The following RALYL variants were observed in gnomAD, a reference collection of about 807,000 sequenced individuals.
The protein encoded by RALYL is RNA-binding Raly-like protein.
RALYL carries 29 observed loss-of-function variants against 35.1 expected under a neutral mutation model. That is an observed-to-expected ratio of 0.83 (90% CI 0.61 to 1.13). The LOEUF (loss-of-function observed/expected upper bound fraction) is 1.13, where lower values mean the gene tolerates loss of function less well. Ranked by LOEUF, RALYL falls within the 50% of genes most tolerant of loss-of-function variation. The probability of loss-of-function intolerance (pLI) is 0.00; values close to 1 mark genes in which losing one functional copy is unlikely to be tolerated. For synonymous variants in RALYL, 120 were observed against 127.6 expected, an observed-to-expected ratio of 0.94 and a Z score of 0.40; for missense variants, 359 against 360.4, an observed-to-expected ratio of 1.00 and a Z score of 0.03.
chr8:84,213,721 T>C (rs903994132), intron 1 of RALYL, among the ~76,000 whole-genome samples: 5 of 152,188 alleles, frequency 3.3e-5, no homozygotes, highest in African/African-American at 1.2e-4. Context: ...ATGAATTTCA[T>C]GTATTTCCAT....
chr8:84,555,211 A>G (rs1252198), intron 2 of RALYL, among the ~76,000 whole-genome samples: 137,595 of 151,992 alleles, frequency 0.91, 62,300 homozygotes, highest in African/African-American at 0.93. Context: ...CCCGGGAGGC[A>G]GAGGTTGCAG....
intron 2 of RALYL, among the ~76,000 whole-genome samples, chr8:84,721,133 T>C (rs1477638309): frequency 1.3e-5 from 2 of 151,690 alleles, no homozygotes; most frequent in African/African-American, 4.8e-5. Context: ...TTCAGGAGGC[T>C]GAGGCAGGAG....
intron 2 of RALYL, among the ~76,000 whole-genome samples, chr8:84,613,205 A>G (rs1818700563): frequency 1.3e-5 from 2 of 151,830 alleles, no homozygotes; most frequent in African/African-American, 4.8e-5. Context: ...TGAAAGCCTC[A>G]ATTTTCATAA....
At chr8:84,755,695 A>C (rs1480780543) in intron 2 of RALYL, among the ~76,000 whole-genome samples, 1 of 151,936 alleles carries the variant, frequency 6.6e-6, no homozygotes, top group Non-Finnish European at 1.5e-5. Flanking sequence ...ATTTAATCAT[A>C]TATATATTAA....
chr8:84,903,197 C>T (rs1427183762), intron 8 of RALYL, among the ~76,000 whole-genome samples: 2 of 152,058 alleles, frequency 1.3e-5, no homozygotes, highest in Non-Finnish European at 2.9e-5. Context: ...TATAGTGTAA[C>T]ACCAAATCAT....
At chr8:84,621,897 C>A (rs1360919570) in intron 2 of RALYL, among the ~76,000 whole-genome samples, 1 of 152,162 alleles carries the variant, frequency 6.6e-6, no homozygotes, top group Non-Finnish European at 1.5e-5. Flanking sequence ...TATTTTCAAG[C>A]TCTTTTTCTA....
chr8:84,304,206 C>T (rs1205655319), intron 1 of RALYL, among the ~76,000 whole-genome samples: 1 of 152,102 alleles, frequency 6.6e-6, no homozygotes, highest in African/African-American at 2.4e-5. Context: ...CGACCTCCAC[C>T]TCCCGGGTTC....
chr8:84,239,557 C>G (rs1827380123), intron 1 of RALYL, among the ~76,000 whole-genome samples: 1 of 152,062 alleles, frequency 6.6e-6, no homozygotes, highest in East Asian at 1.9e-4. Context: ...ATAGCTTACT[C>G]AAAATCACTC....
chr8:84,245,149 A>G (rs946587476), intron 1 of RALYL, among the ~76,000 whole-genome samples: 7 of 152,292 alleles, frequency 4.6e-5, no homozygotes, highest in South Asian at 4.1e-4. Context: ...GAAGGGCAAC[A>G]TGATCCTCTG....
intron 1 of RALYL, among the ~76,000 whole-genome samples, chr8:84,489,827 G>T (rs992135158): frequency 2.6e-5 from 4 of 151,966 alleles, no homozygotes; most frequent in African/African-American, 9.7e-5. Context: ...AAAGTGCATG[G>T]AAATAAACAA....
intron 2 of RALYL, among the ~76,000 whole-genome samples, chr8:84,581,383 G>A (rs932015382): frequency 6.6e-6 from 1 of 152,002 alleles, no homozygotes; most frequent in South Asian, 2.1e-4. Context: ...TATATCTATT[G>A]TAACCCAAAA....
chr8:84,341,340 C>T, intron 1 of RALYL, among the ~76,000 whole-genome samples: 1 of 151,770 alleles, frequency 6.6e-6, no homozygotes, highest in East Asian at 1.9e-4. Context: ...GTGAAGCGTG[C>T]AGGTTAACAT....
chr8:84,719,796 C>G (rs989193498), intron 2 of RALYL, among the ~76,000 whole-genome samples: 7 of 151,974 alleles, frequency 4.6e-5, no homozygotes, highest in Admixed American at 2.6e-4. Flanking sequence ...ATTCAAAATT[C>G]TCTCTTCCAC....
intron 2 of RALYL, among the ~76,000 whole-genome samples, chr8:84,532,044 T>G (rs899596186): frequency 6.6e-6 from 1 of 152,070 alleles, no homozygotes; most frequent in Admixed American, 6.6e-5. Context: ...GCATATATCC[T>G]AATCATCTAT....
intron 2 of RALYL, among the ~76,000 whole-genome samples, chr8:84,744,703 GT>G (rs1471397207): frequency 6.6e-6 from 1 of 151,878 alleles, no homozygotes; most frequent in African/African-American, 2.4e-5. Context: ...CATTAACTGT[GT>G]TCCAGAATTA....
chr8:84,245,727 G>T (rs1275304192), intron 1 of RALYL, among the ~76,000 whole-genome samples: 2 of 152,044 alleles, frequency 1.3e-5, no homozygotes, highest in South Asian at 2.1e-4. Context: ...AGACTCAGGG[G>T]TATGCATGAT....
At chr8:84,293,308 G>A (rs866233222) in intron 1 of RALYL, among the ~76,000 whole-genome samples, 1 of 152,068 alleles carries the variant, frequency 6.6e-6, no homozygotes, top group Non-Finnish European at 1.5e-5. Context: ...TAGAACCATC[G>A]ATCCCTTAGA....
Position 84,234,488 on chromosome 8 carries a change from C to T in RALYL, c.-24+50064C>T, listed in dbSNP as rs1586411753. ...GTGATATAAGGATTAAGTACTTGAT[C>T]TTTAATGTTAAGATAGGAATTTATT... On this transcript the variant is annotated intron_variant, in intron 1 of 8. Transcript: ENST00000521268. Among the ~76,000 whole-genome samples the T allele has an allele frequency of 2.0e-5, 3 of 152,242 alleles. No individual in the cohort carries two copies. The South Asian group carries it at 6.2e-4, about 32-fold the overall frequency.
intron 1 of RALYL, among the ~76,000 whole-genome samples, chr8:84,471,641 T>C (rs1448098600): frequency 6.6e-6 from 1 of 152,148 alleles, no homozygotes; most frequent in African/African-American, 2.4e-5. Flanking sequence ...ACAGTCAACA[T>C]TGTATGAAAA....
Sources: allele counts gnomAD v4.1 joint callset (sites outside exome capture counted in the v4.1 genomes callset), GRCh38; gene constraint gnomAD v4.1.1; transcripts MANE v1.5; gene names NCBI Gene and HGNC (gene_info 2026-07-23, HGNC 2026-07-21).